RBM33: variants seen among roughly 807,000 people sequenced by gnomAD.
RBM33 encodes the protein RNA binding motif protein 33.
In RBM33, 28 loss-of-function variants were observed where a neutral mutation model predicts 132.6. The ratio of observed to expected loss-of-function variants is 0.21; its 90% CI spans 0.16 to 0.29. RBM33 has a LOEUF of 0.29. RBM33 is among the 10% of genes least tolerant of loss of function. The probability of loss-of-function intolerance (pLI) is 1.00; values close to 1 mark genes in which losing one functional copy is unlikely to be tolerated. For missense variants in RBM33, 1,291 were observed against 1,518.5 expected, an observed-to-expected ratio of 0.85 and a Z score of 2.49; for synonymous variants, 634 against 593.0, an observed-to-expected ratio of 1.07 and a Z score of -1.01.
rs546604409 is a variant in RBM33 at position 155,657,990 on chromosome 7, A to G, written c.44-7185A>G. On this transcript the variant is annotated intron_variant, in intron 1 of 17. Coordinates refer to ENST00000401878, the MANE Select transcript of RBM33 (RefSeq NM_053043.3). ...ATTGGCTGTTAGGTCTAGTTGATTTATAGTATTTGAGTCCTCTATATCCTT... is the reference window on the plus strand; with the variant it reads ...ATTGGCTGTTAGGTCTAGTTGATTTGTAGTATTTGAGTCCTCTATATCCTT... 1.5e-3 allele frequency among the ~76,000 whole-genome samples: 223 copies of G among 152,250 alleles called. 2 individuals are homozygous for G. The highest frequency in any genetic ancestry group is 5.3e-3 in the African/African-American group (221 of 41,568).
At chr7:155,710,236 G>T (rs558680623) in intron 7 of RBM33, among the ~76,000 whole-genome samples, 8 of 152,344 alleles carry the variant, frequency 5.3e-5, no homozygotes, top group Admixed American at 3.3e-4. Context: ...TGTGTCGTCA[G>T]TTTGGTTAGT....
chr7:155,696,438 C>T (rs1188879942), intron 5 of RBM33, among the ~76,000 whole-genome samples: 1 of 152,300 alleles, frequency 6.6e-6, no homozygotes, highest in African/African-American at 2.4e-5. Flanking sequence ...TCATTGACCT[C>T]CGGTACTCTG....
intron 8 of RBM33, among the ~76,000 whole-genome samples, chr7:155,715,526 G>GCGCA (rs995843130): frequency 3.9e-5 from 6 of 152,154 alleles, no homozygotes; most frequent in Admixed American, 2.0e-4. Context: ...GCACCCCAAA[G>GCGCA]CGCACGTGTG....
At chr7:155,696,483 A>C (rs935248791) in intron 5 of RBM33, among the ~76,000 whole-genome samples, 3 of 152,280 alleles carry the variant, frequency 2.0e-5, no homozygotes, top group Admixed American at 2.0e-4. Context: ...ATTCTTACCT[A>C]TTCCTGATGT....
At chr7:155,762,853 A>G (rs1802081266) in intron 14 of RBM33, among the ~76,000 whole-genome samples, 1 of 152,152 alleles carries the variant, frequency 6.6e-6, no homozygotes, top group South Asian at 2.1e-4. Flanking sequence ...GTGCTAATAA[A>G]AGCCTCCGTC....
At chr7:155,720,521 C>G (rs1387629886) in intron 9 of RBM33, among the ~76,000 whole-genome samples, 1 of 152,064 alleles carries the variant, frequency 6.6e-6, no homozygotes, top group East Asian at 1.9e-4. Context: ...CTTTTTTCTA[C>G]TACTAGATTA....
chr7:155,680,945 T>G, intron 5 of RBM33, 37 bp downstream of exon 5: 2 of 1,542,526 alleles, frequency 1.3e-6, no homozygotes, highest in Non-Finnish European at 1.8e-6. Flanking sequence ...AAAGATAACC[T>G]GGCTTCCCAT....
chr7:155,700,700 G>A (rs985392357), intron 5 of RBM33, 73 bp from the exon 6 acceptor site: 16 of 1,090,376 alleles, frequency 1.5e-5, no homozygotes, highest in Non-Finnish European at 1.3e-5. Flanking sequence ...AAATATTTTA[G>A]CATTCTTTAA....
intron 9 of RBM33, among the ~76,000 whole-genome samples, chr7:155,726,377 C>A (rs1469405185): frequency 1.3e-5 from 2 of 149,368 alleles, no homozygotes; most frequent in Non-Finnish European, 3.0e-5. Flanking sequence ...TTTTTTGTAA[C>A]CTGAGTTATC....
rs890323438 is a variant in RBM33 at position 155,774,584 on chromosome 7, G to A, written c.3401G>A (p.Arg1134Gln). 2 of 1,613,850 alleles carry A rather than the reference G, an allele frequency of 1.2e-6. No individual in the cohort carries two copies. The highest frequency in any genetic ancestry group is 1.7e-6 in the Non-Finnish European group (2 of 1,179,784). ...IQSLQMLPQQ[R>Q]KAIAKFKEPA... is the part of the protein sequence containing the mutation. ...AGTTTACAGATGCTTCCTCAGCAACGGAAAGCCATAGCTAAGTTCAAGGAG... is the reference window on the plus strand; with the variant it reads ...AGTTTACAGATGCTTCCTCAGCAACAGAAAGCCATAGCTAAGTTCAAGGAG... The change falls in exon 17 of 18, where the codon CGG (arginine) becomes CAG (glutamine). Residue 1134 changes from arginine (R) to glutamine (Q), a missense_variant. Arg to Gln is a conservative substitution (Grantham distance 43, BLOSUM62 1). Transcript: ENST00000401878. The surrounding 1 kb of genome is among the most constrained non-coding windows in gnomAD (Gnocchi z 4.2).
intron 8 of RBM33, among the ~76,000 whole-genome samples, chr7:155,717,047 C>T (rs1800482678): frequency 6.6e-6 from 1 of 152,118 alleles, no homozygotes. Context: ...AAAAGTTTAT[C>T]ATAGCACCCT....
chr7:155,700,206 T>A (rs1799917345), intron 5 of RBM33, among the ~76,000 whole-genome samples: 1 of 152,188 alleles, frequency 6.6e-6, no homozygotes, highest in African/African-American at 2.4e-5. Context: ...TCAAAGATAG[T>A]GATAAATTAA....
intron 15 of RBM33, 143 bp from the exon 16 acceptor site, chr7:155,766,324 T>C: frequency 2.2e-6 from 2 of 900,532 alleles, no homozygotes; most frequent in Non-Finnish European, 3.4e-6. Flanking sequence ...CATTCTCTGA[T>C]AGTGGATAGA....
intron 14 of RBM33, among the ~76,000 whole-genome samples, chr7:155,760,915 T>A (rs1802012928): frequency 6.6e-6 from 1 of 152,192 alleles, no homozygotes; most frequent in Admixed American, 6.5e-5. Flanking sequence ...TGCTTCCATT[T>A]TCATGTGGGG....
Position 155,685,031 on chromosome 7 carries a change from G to A in RBM33, c.567+4123G>A, listed in dbSNP as rs956788318. ...AATTAGATGAGATTACTGATGCCCA[G>A]GTTGCTCCTGCAACTGAAGAGGTAT... On this transcript the variant is annotated intron_variant, in intron 5 of 17. Coordinates refer to ENST00000401878, the MANE Select transcript of RBM33 (RefSeq NM_053043.3). 3 of 1,550,030 alleles carry A rather than the reference G, an allele frequency of 1.9e-6. No homozygotes were observed. The African/African-American group carries it at 4.1e-5, about 21-fold the overall frequency.
chr7:155,671,000 T>A (rs1004149309), intron 2 of RBM33, among the ~76,000 whole-genome samples: 2 of 152,254 alleles, frequency 1.3e-5, no homozygotes, highest in Non-Finnish European at 2.9e-5. Context: ...ATGCCTGTTT[T>A]TATGACTTTG....
Position 155,780,733 on chromosome 7 carries a change from C to T in RBM33, c.*5692C>T, listed in dbSNP as rs1447736997. On this transcript the variant is annotated 3_prime_UTR_variant, in exon 18 of 18. Coordinates refer to ENST00000401878, the MANE Select transcript of RBM33 (RefSeq NM_053043.3). ...TGCTCCGCCTCAGCCTTGAGAACTCCACGTGGGCTGGGTGGGAAGGTGCTG... is the reference window on the plus strand; with the variant it reads ...TGCTCCGCCTCAGCCTTGAGAACTCTACGTGGGCTGGGTGGGAAGGTGCTG... 6.6e-6 allele frequency: 1 copy of T among 152,336 alleles called. No individual in the cohort carries two copies. Among genetic ancestry groups the T allele is most frequent in the African/African-American group, 2.4e-5 (1 of 41,452 alleles). 9.4% of individuals were successfully genotyped at this position (152,336 alleles called of 1,614,324 possible).
chr7:155,700,758 G>C lies in RBM33; in HGVS notation c.568-15G>C, dbSNP rs796107152. On this transcript the variant is annotated splice_polypyrimidine_tract_variant and intron_variant, in intron 5 of 17. Transcript: ENST00000401878. ...ACTTACTGTCCTTTTTTTGCCTTGT[G>C]TATCTGCAATATAGGGAGGTATGGA... The C allele has an allele frequency of 6.5e-7, 1 of 1,528,046 alleles. No homozygotes were observed. The highest frequency in any genetic ancestry group is 1.3e-5 in the South Asian group (1 of 79,694). 94.7% of individuals were successfully genotyped at this position (1,528,046 alleles called of 1,614,324 possible).
At chr7:155,713,415 G>T (rs1013029431) in intron 8 of RBM33, among the ~76,000 whole-genome samples, 2 of 152,124 alleles carry the variant, frequency 1.3e-5, no homozygotes, top group Admixed American at 6.5e-5. Flanking sequence ...TGACACAGGA[G>T]GGGGAGGGGC....
Sources: allele counts gnomAD v4.1 joint callset (sites outside exome capture counted in the v4.1 genomes callset), GRCh38; gene constraint gnomAD v4.1.1; non-coding constraint Gnocchi (gnomAD v3.1); transcripts MANE v1.5; gene names NCBI Gene and HGNC (gene_info 2026-07-23, HGNC 2026-07-21).